TIAM1: variants seen among roughly 807,000 people sequenced by gnomAD.
The protein encoded by TIAM1 is rho guanine nucleotide exchange factor TIAM1.
TIAM1 carries 65 observed loss-of-function variants against 163.5 expected under a neutral mutation model. That is an observed-to-expected ratio of 0.40 (90% CI 0.33 to 0.49). The LOEUF is 0.49. Ranked by LOEUF, TIAM1 falls within the 20% of genes least tolerant of loss-of-function variation. The pLI, the probability that TIAM1 is intolerant of heterozygous loss-of-function variation, is 0.77. For missense variants in TIAM1, 1,789 were observed against 2,044.7 expected (o/e 0.87, Z 2.41); for synonymous variants, 833 against 810.1 (o/e 1.03, Z -0.48).
chr21:31,467,166 A>G (rs1488869817), intron 1 of TIAM1, among the ~76,000 whole-genome samples: 1 of 152,168 alleles, frequency 6.6e-6, no homozygotes, highest in African/African-American at 2.4e-5. Flanking sequence ...CATCTCCATA[A>G]AAACTTCTTT....
At position 31,395,689 on chromosome 21, in the gene TIAM1, T is replaced by C. The variant is rs908996091; in HGVS notation, c.-368-56267A>G. On this transcript the variant is annotated intron_variant, in intron 2 of 28. Coordinates refer to the TIAM1 transcript ENST00000286827. The surrounding 1 kb of genome is among the most constrained non-coding windows in gnomAD (Gnocchi z 7.5). ...GAGAATAAATATTGACTAAAACATC[T>C]ATCTTGGGGAGGGGGCGCATGCGTT... Among the ~76,000 whole-genome samples, 1 of 152,138 alleles carries C rather than the reference T, an allele frequency of 6.6e-6. No homozygotes were observed. The highest frequency in any genetic ancestry group is 2.4e-5 in the African/African-American group (1 of 41,428).
At chr21:31,379,335 T>A (rs2147170977) in intron 2 of TIAM1, among the ~76,000 whole-genome samples, 1 of 152,256 alleles carries the variant, frequency 6.6e-6, no homozygotes, top group East Asian at 1.9e-4. Flanking sequence ...GGAGCAGAGG[T>A]CTGGATCCAA....
At chr21:31,174,620 T>C (rs952470615) in intron 15 of TIAM1, among the ~76,000 whole-genome samples, 1 of 152,224 alleles carries the variant, frequency 6.6e-6, no homozygotes, top group Non-Finnish European at 1.5e-5. Context: ...GCTGGAACTT[T>C]TATTATTTTT....
intron 4 of TIAM1, among the ~76,000 whole-genome samples, chr21:31,252,436 A>T (rs1297792923): frequency 6.6e-6 from 1 of 152,184 alleles, no homozygotes; most frequent in African/African-American, 2.4e-5. Context: ...TGTTCAAGAA[A>T]TATAAAAGAA....
chr21:31,179,993 C>T (rs556393189), intron 15 of TIAM1, among the ~76,000 whole-genome samples: 1 of 150,298 alleles, frequency 6.7e-6, no homozygotes, highest in African/African-American at 2.5e-5. Flanking sequence ...GCAACCTCTG[C>T]CTCCCGGGTT....
chr21:31,230,573 G>C (rs1010732541), intron 6 of TIAM1, among the ~76,000 whole-genome samples: 1 of 152,084 alleles, frequency 6.6e-6, no homozygotes, highest in Non-Finnish European at 1.5e-5. Flanking sequence ...TGCCCAGGCT[G>C]GAGTGCCTGG....
chr21:31,317,501 C>T (rs574619710), intron 2 of TIAM1, among the ~76,000 whole-genome samples: 1 of 152,004 alleles, frequency 6.6e-6, no homozygotes, highest in African/African-American at 2.4e-5. Context: ...ACTGCTTGGT[C>T]GGGCACGGCG....
chr21:31,193,564 C>G (rs2085671754), intron 13 of TIAM1, among the ~76,000 whole-genome samples: 1 of 152,186 alleles, frequency 6.6e-6, no homozygotes, highest in Non-Finnish European at 1.5e-5. Context: ...CTGGTTTCCC[C>G]TAGACTTCAC....
At chr21:31,270,233 A>C (rs757329659) in intron 3 of TIAM1, among the ~76,000 whole-genome samples, 4 of 152,208 alleles carry the variant, frequency 2.6e-5, no homozygotes, top group Non-Finnish European at 5.9e-5. Context: ...AGCATCAGTA[A>C]ATATCGGTGC....
intron 24 of TIAM1, among the ~76,000 whole-genome samples, 168 bp from the exon 25 acceptor site, chr21:31,130,483 G>A (rs527682220): frequency 4.6e-5 from 7 of 152,290 alleles, no homozygotes; most frequent in African/African-American, 1.2e-4. Context: ...GAGAGGCTGC[G>A]TGATAAATAC....
At chr21:31,330,213 C>G (rs1426038071) in intron 2 of TIAM1, among the ~76,000 whole-genome samples, 1 of 152,196 alleles carries the variant, frequency 6.6e-6, no homozygotes, top group Non-Finnish European at 1.5e-5. Context: ...TCTCTCCTCC[C>G]TAGCCCCTGG....
intron 1 of TIAM1, among the ~76,000 whole-genome samples, chr21:31,527,210 C>T (rs147662528): frequency 6.6e-6 from 1 of 152,232 alleles, no homozygotes; most frequent in East Asian, 1.9e-4. Context: ...CCTCTGTTAA[C>T]CCAGCTTCCT....
At position 31,136,007 on chromosome 21, in the gene TIAM1, T is replaced by G. The variant is rs1356075670; in HGVS notation, c.3809A>C (p.His1270Pro). ...ADLSMGDLLL[H>P]TTVIWLNPPA... is the part of the protein sequence containing the mutation. ...CGGGTTCAGCCAGATCACGGTAGTG[T>G]GCAAAAGCAGGTCTCCCATGCTCAG... The change falls in exon 23 of 28, where the codon CAC becomes CCC. Residue 1270 changes from histidine to proline, a missense_variant. Physicochemically the swap from His to Pro is moderately conservative, Grantham distance 77 (BLOSUM62 -2). Around this residue, in one of 5 missense-constraint regions of TIAM1, gnomAD observed 415 missense variants for 439.2 expected, o/e 0.94. Transcript: ENST00000541036. 1 of 1,614,156 alleles carries G rather than the reference T, an allele frequency of 6.2e-7. No homozygotes were observed. The highest frequency in any genetic ancestry group is 1.1e-5 in the South Asian group (1 of 91,082).
At chr21:31,418,281 G>A (rs775442842) in intron 2 of TIAM1, among the ~76,000 whole-genome samples, 14 of 146,320 alleles carry the variant, frequency 9.6e-5, no homozygotes, top group Non-Finnish European at 8.9e-5. Context: ...GGCGGAAGTT[G>A]AGGTGAGCCG....
intron 1 of TIAM1, among the ~76,000 whole-genome samples, chr21:31,492,364 GTCATCCCTCTGC>G (rs2046498298): frequency 6.6e-6 from 1 of 152,164 alleles, no homozygotes; most frequent in South Asian, 2.1e-4. Context: ...AGGAATGAAA[GTCATCCCTCTGC>G]TCACCTGAGA....
chr21:31,393,084 T>C (rs2076995975), intron 2 of TIAM1, among the ~76,000 whole-genome samples: 1 of 151,930 alleles, frequency 6.6e-6, no homozygotes, highest in Non-Finnish European at 1.5e-5. Context: ...GCCTCCCAAG[T>C]AGCTGGGACT....
At chr21:31,227,579 T>C (rs1204937043) in intron 6 of TIAM1, among the ~76,000 whole-genome samples, 1 of 151,914 alleles carries the variant, frequency 6.6e-6, no homozygotes, top group Non-Finnish European at 1.5e-5. Flanking sequence ...AATCACTTTG[T>C]AAAGACTGAG....
At chr21:31,442,015 C>T (rs2147302731) in intron 2 of TIAM1, among the ~76,000 whole-genome samples, 1 of 138,056 alleles carries the variant, frequency 7.2e-6, no homozygotes, top group South Asian at 2.4e-4. Context: ...GAGACAGTGC[C>T]ATTGCACTCC....
intron 1 of TIAM1, among the ~76,000 whole-genome samples, chr21:31,528,869 A>G (rs953713771): frequency 3.3e-5 from 5 of 151,754 alleles, no homozygotes; most frequent in African/African-American, 4.8e-5. Context: ...AGTTCTATTT[A>G]TCATATCCTT....
Sources: allele counts gnomAD v4.1 joint callset (sites outside exome capture counted in the v4.1 genomes callset), GRCh38; gene constraint gnomAD v4.1.1; regional missense constraint gnomAD v4.1.1; non-coding constraint Gnocchi (gnomAD v3.1); transcripts MANE v1.5; gene names NCBI Gene and HGNC (gene_info 2026-07-23, HGNC 2026-07-21).